Variants in CAMK1D observed in about 807,000 individuals in gnomAD.
CAMK1D encodes the protein calcium/calmodulin-dependent protein kinase type 1D.
In CAMK1D, 9 loss-of-function variants were observed where a neutral mutation model predicts 47.7. The ratio of observed to expected loss-of-function variants is 0.19; its 90% confidence interval spans 0.11 to 0.33. The LOEUF (loss-of-function observed/expected upper bound fraction) is 0.33, where lower values mean the gene tolerates loss of function less well. Among genes scored for constraint, CAMK1D ranks in the 10% least tolerant of loss-of-function variants. The pLI is 1.00. For missense variants in CAMK1D, 291 were observed against 488.7 expected, an observed-to-expected ratio of 0.60 and a Z score of 3.81; for synonymous variants, 184 against 184.9, an observed-to-expected ratio of 0.99 and a Z score of 0.04.
At chr10:12,396,009 G>A (rs1838937839) in intron 1 of CAMK1D, among the ~76,000 whole-genome samples, 1 of 152,052 alleles carries the variant, frequency 6.6e-6, no homozygotes, top group East Asian at 2.0e-4. Context: ...GAGTAGCTGG[G>A]ATTACAGGTG....
At chr10:12,543,833 T>C (rs979442276) in intron 1 of CAMK1D, among the ~76,000 whole-genome samples, 5 of 152,180 alleles carry the variant, frequency 3.3e-5, no homozygotes, top group African/African-American at 4.8e-5. Context: ...GGACTGGGTA[T>C]ACATTTAACA....
intron 1 of CAMK1D, among the ~76,000 whole-genome samples, chr10:12,412,953 C>G (rs994889672): frequency 2.6e-5 from 4 of 152,168 alleles, no homozygotes; most frequent in African/African-American, 7.2e-5. Context: ...AACTAAGATT[C>G]TGCCCTCACC....
chr10:12,800,267 A>G (rs1194100019), intron 6 of CAMK1D, among the ~76,000 whole-genome samples: 1 of 152,246 alleles, frequency 6.6e-6, no homozygotes, highest in African/African-American at 2.4e-5. Flanking sequence ...TCCAAATAAT[A>G]TGCTAAAACC....
At position 12,408,916 on chromosome 10, in the gene CAMK1D, C is replaced by T. The variant is rs372729260; in HGVS notation, c.92+59006C>T. ...TCGCCCAGGCTGGAGTGCAGTGGCGCGATCTCAGCTCACTGCAACCTCCAC... is the reference window on the plus strand; with the variant it reads ...TCGCCCAGGCTGGAGTGCAGTGGCGTGATCTCAGCTCACTGCAACCTCCAC... On this transcript the variant is annotated intron_variant, in intron 1 of 10. Transcript: ENST00000619168. 1.1e-3 allele frequency among the ~76,000 whole-genome samples: 160 copies of T among 146,052 alleles called. 1 individual carries two copies. Among genetic ancestry groups the T allele is most frequent in the African/African-American group, 3.9e-3 (152 of 39,418 alleles).
At chr10:12,457,813 T>A (rs1162557470) in intron 1 of CAMK1D, among the ~76,000 whole-genome samples, 6 of 146,274 alleles carry the variant, frequency 4.1e-5, no homozygotes, top group Non-Finnish European at 7.5e-5. Flanking sequence ...AAGATGGACA[T>A]ACGAACATAT....
chr10:12,756,770 C>CA (rs969079751), intron 3 of CAMK1D, among the ~76,000 whole-genome samples: 3 of 151,764 alleles, frequency 2.0e-5, no homozygotes, highest in South Asian at 2.1e-4. Flanking sequence ...ACTAAAAATA[C>CA]AAAAAAAATT....
At chr10:12,733,952 C>G (rs1015057621) in intron 3 of CAMK1D, among the ~76,000 whole-genome samples, 1 of 152,122 alleles carries the variant, frequency 6.6e-6, no homozygotes. Flanking sequence ...TCATAAGTGT[C>G]TCCAAGACTG....
chr10:12,428,187 G>T (rs752788960), intron 1 of CAMK1D, among the ~76,000 whole-genome samples: 3 of 151,934 alleles, frequency 2.0e-5, no homozygotes, highest in Non-Finnish European at 2.9e-5. Flanking sequence ...GCCATCCCCT[G>T]ACAGGCCCAG....
chr10:12,607,204 A>G (rs1391106261), intron 2 of CAMK1D, among the ~76,000 whole-genome samples: 1 of 152,138 alleles, frequency 6.6e-6, no homozygotes, highest in African/African-American at 2.4e-5. Flanking sequence ...GTGAATGCCC[A>G]TTTATGCTTC....
chr10:12,794,498 G>A (rs937660026), intron 6 of CAMK1D, among the ~76,000 whole-genome samples: 6 of 152,118 alleles, frequency 3.9e-5, no homozygotes, highest in African/African-American at 7.2e-5. Context: ...TTGACAAGTG[G>A]TGCACCCAAA....
chr10:12,615,398 CCTT>C lies in CAMK1D; in HGVS notation c.225-51334_225-51332del, dbSNP rs750431350. Among the ~76,000 whole-genome samples, 8 of 152,062 alleles carry C rather than the reference CCTT, an allele frequency of 5.3e-5. No homozygotes were observed. The East Asian group carries it at 5.8e-4, about 11-fold the overall frequency. On this transcript the variant is annotated intron_variant, in intron 2 of 10. Transcript: ENST00000619168. ...GAAGGAAGTTGTTCAAATTCTTTGC[CCTT>C]CTTTGGAAATGGAACTTAGGGAGTC...
chr10:12,730,276 G>A (rs1263138858), intron 3 of CAMK1D, among the ~76,000 whole-genome samples: 1 of 152,166 alleles, frequency 6.6e-6, no homozygotes, highest in African/African-American at 2.4e-5. Flanking sequence ...GGGCCAGTAA[G>A]GGAAACAGAG....
Position 12,669,357 on chromosome 10 carries a change from G to T in CAMK1D, c.299+2547G>T, listed in dbSNP as rs116788000. ...TGTTGGGGGACATCGTATGAGATTTGTCGAGCAAATTAATCACAAAATCCA... is the reference window on the plus strand; with the variant it reads ...TGTTGGGGGACATCGTATGAGATTTTTCGAGCAAATTAATCACAAAATCCA... On this transcript the variant is annotated intron_variant, in intron 3 of 10. Coordinates refer to ENST00000619168, the MANE Select transcript of CAMK1D (RefSeq NM_153498.4). Among the ~76,000 whole-genome samples the T allele has an allele frequency of 5.5e-3, 836 of 152,262 alleles. 6 individuals are homozygous for T. Among genetic ancestry groups the T allele is most frequent in the African/African-American group, 0.019 (779 of 41,540 alleles).
chr10:12,573,349 T>C (rs1463380287), intron 2 of CAMK1D, among the ~76,000 whole-genome samples: 1 of 141,172 alleles, frequency 7.1e-6, no homozygotes, highest in Admixed American at 6.8e-5. Context: ...GAGACGATGC[T>C]TTTTATCGTC....
chr10:12,530,230 G>A (rs1180613826), intron 1 of CAMK1D, among the ~76,000 whole-genome samples: 1 of 152,196 alleles, frequency 6.6e-6, no homozygotes, highest in Non-Finnish European at 1.5e-5. Flanking sequence ...GCATCAACAC[G>A]GGAACACAGT....
chr10:12,434,939 T>C (rs2768366), intron 1 of CAMK1D, among the ~76,000 whole-genome samples: 141,478 of 152,166 alleles, frequency 0.93, 66,633 homozygotes, highest in East Asian at 1. Flanking sequence ...GAGGGAAGGC[T>C]GGGCGCAGTG....
intron 1 of CAMK1D, among the ~76,000 whole-genome samples, chr10:12,530,140 T>G (rs1187355239): frequency 2.6e-5 from 4 of 152,176 alleles, no homozygotes; most frequent in Admixed American, 1.3e-4. Flanking sequence ...GCTCTGGTGT[T>G]GGGATTTGGA....
intron 1 of CAMK1D, among the ~76,000 whole-genome samples, chr10:12,366,111 T>C (rs1473064639): frequency 6.6e-6 from 1 of 152,244 alleles, no homozygotes; most frequent in Non-Finnish European, 1.5e-5. Flanking sequence ...TCTTGAAACA[T>C]AGCTGTTATC....
chr10:12,742,554 C>A (rs1385924882), intron 3 of CAMK1D, among the ~76,000 whole-genome samples: 1 of 152,192 alleles, frequency 6.6e-6, no homozygotes, highest in East Asian at 1.9e-4. Flanking sequence ...GTTTTCATCA[C>A]CCTAATGGCA....
Sources: gnomAD v4.1 joint callset for allele counts (sites outside exome capture counted in the v4.1 genomes callset) on GRCh38, gnomAD v4.1.1 for gene constraint, MANE v1.5 for transcripts, NCBI Gene and HGNC (gene_info 2026-07-23, HGNC 2026-07-21) for gene names.